ANO2: variants seen among roughly 807,000 people sequenced by gnomAD.
ANO2 encodes anoctamin 2.
Under a neutral mutation model 124.2 loss-of-function variants are expected in ANO2, and 101 were observed. The observed-to-expected ratio is 0.81, with a 90% CI of 0.69 to 0.96. The LOEUF (loss-of-function observed/expected upper bound fraction) is 0.96, where lower values mean the gene tolerates loss of function less well. ANO2 is among the 40% of genes least tolerant of loss of function. The pLI is 0.00. For missense variants in ANO2, 1,293 were observed against 1,274.5 expected, an observed-to-expected ratio of 1.01 and a Z score of -0.22; for synonymous variants, 486 against 482.5, an observed-to-expected ratio of 1.01 and a Z score of -0.09.
intron 3 of ANO2, among the ~76,000 whole-genome samples, chr12:5,901,182 G>T (rs1458349927): frequency 6.6e-6 from 1 of 152,236 alleles, no homozygotes; most frequent in African/African-American, 2.4e-5. Flanking sequence ...CTGGAAAAAT[G>T]CGGCCTTTGC....
intron 12 of ANO2, among the ~76,000 whole-genome samples, chr12:5,741,656 A>G (rs1301004934): frequency 6.6e-6 from 1 of 152,166 alleles, no homozygotes; most frequent in Non-Finnish European, 1.5e-5. Flanking sequence ...GGACCACCAT[A>G]CTGATGGAGA....
At chr12:5,608,644 T>G (rs1300227533) in intron 19 of ANO2, 1 of 152,168 alleles carries the variant, frequency 6.6e-6, no homozygotes, top group Non-Finnish European at 1.5e-5. Flanking sequence ...GCTTTATGAG[T>G]TACTGTGCAA....
At chr12:5,926,438 G>A (rs1246814525) in intron 1 of ANO2, among the ~76,000 whole-genome samples, 1 of 152,110 alleles carries the variant, frequency 6.6e-6, no homozygotes, top group African/African-American at 2.4e-5. Context: ...CTCTCGGGCT[G>A]GGACTCTGCA....
chr12:5,662,889 C>G lies in ANO2; in HGVS notation c.1546-15088G>C, dbSNP rs181618707. On this transcript the variant is annotated intron_variant, in intron 14 of 24. Coordinates refer to ENST00000682330, the MANE Select transcript of ANO2 (RefSeq NM_001364791.2). ...TTGGGTAGGACATGGGGAAGCACTT[C>G]CTAGACCTTCTCCAAACCTGGGAAC... Among the ~76,000 whole-genome samples the G allele has an allele frequency of 3.3e-5, 5 of 152,314 alleles. No homozygotes were observed. In the East Asian group the frequency reaches 7.7e-4, roughly 23 times the overall value.
At chr12:5,774,658 G>A (rs1325782154) in intron 10 of ANO2, among the ~76,000 whole-genome samples, 1 of 152,154 alleles carries the variant, frequency 6.6e-6, no homozygotes, top group Non-Finnish European at 1.5e-5. Flanking sequence ...GACACCTGAT[G>A]CCTTGTTGGA....
At chr12:5,706,665 C>G (rs1032284729) in intron 14 of ANO2, among the ~76,000 whole-genome samples, 1 of 152,186 alleles carries the variant, frequency 6.6e-6, no homozygotes, top group Non-Finnish European at 1.5e-5. Flanking sequence ...TTCTTTATCT[C>G]TGTCACTGTC....
chr12:5,866,713 C>G (rs1362436673), intron 3 of ANO2, among the ~76,000 whole-genome samples: 2 of 152,206 alleles, frequency 1.3e-5, no homozygotes, highest in Non-Finnish European at 2.9e-5. Flanking sequence ...GCCTGGGGAT[C>G]CAGGGGGCTG....
intron 7 of ANO2, 51 bp from the exon 8 acceptor site, chr12:5,807,419 A>C: frequency 1.8e-5 from 27 of 1,482,550 alleles, no homozygotes; most frequent in Non-Finnish European, 2.2e-5. Flanking sequence ...AGCGTTTCTC[A>C]ACTTAACCCC....
chr12:5,861,834 C>T (rs1194701263), intron 3 of ANO2, among the ~76,000 whole-genome samples: 1 of 152,136 alleles, frequency 6.6e-6, no homozygotes, highest in Non-Finnish European at 1.5e-5. Context: ...TTGAAGCTCA[C>T]ACAGCTGGAG....
At chr12:5,802,696 A>G (rs1447046248) in intron 9 of ANO2, among the ~76,000 whole-genome samples, 1 of 152,212 alleles carries the variant, frequency 6.6e-6, no homozygotes, top group Non-Finnish European at 1.5e-5. Context: ...AAACTTGCAG[A>G]GTCTAGAGCC....
intron 16 of ANO2, among the ~76,000 whole-genome samples, chr12:5,629,818 T>C (rs1214283994): frequency 1.3e-5 from 2 of 152,146 alleles, no homozygotes; most frequent in Admixed American, 6.5e-5. Context: ...CAGCTCCAAA[T>C]GCATTCCCTA....
At chr12:5,696,002 G>C (rs1032930043) in intron 14 of ANO2, among the ~76,000 whole-genome samples, 1 of 151,858 alleles carries the variant, frequency 6.6e-6, no homozygotes, top group Non-Finnish European at 1.5e-5. Flanking sequence ...AGTTACAGGG[G>C]GAAAAAATAG....
At chr12:5,581,829 C>T (rs773705248) in intron 20 of ANO2, among the ~76,000 whole-genome samples, 5 of 152,188 alleles carry the variant, frequency 3.3e-5, no homozygotes, top group Non-Finnish European at 7.3e-5. Context: ...GAGCCAAGAA[C>T]AGGCCCTCTC....
intron 24 of ANO2, among the ~76,000 whole-genome samples, chr12:5,563,986 C>A (rs1941603273): frequency 6.6e-6 from 1 of 152,194 alleles, no homozygotes; most frequent in African/African-American, 2.4e-5. Context: ...AGCAAGTGGT[C>A]ACAAAGCCCA....
intron 14 of ANO2, among the ~76,000 whole-genome samples, chr12:5,710,822 A>G (rs1186966409): frequency 6.6e-6 from 1 of 152,122 alleles, no homozygotes; most frequent in Admixed American, 6.5e-5. Flanking sequence ...AAATAAACTG[A>G]GGCTGATAGA....
chr12:5,814,650 G>T (rs1233506489), intron 7 of ANO2, among the ~76,000 whole-genome samples: 1 of 152,198 alleles, frequency 6.6e-6, no homozygotes, highest in African/African-American at 2.4e-5. Flanking sequence ...GCAGGAATTT[G>T]TGTCTGTTGG....
At chr12:5,656,045 A>C (rs1439067709) in intron 14 of ANO2, among the ~76,000 whole-genome samples, 1 of 152,220 alleles carries the variant, frequency 6.6e-6, no homozygotes, top group Non-Finnish European at 1.5e-5. Context: ...ATTTCAAGGG[A>C]ATAGTGGGAG....
intron 3 of ANO2, among the ~76,000 whole-genome samples, chr12:5,875,005 C>T (rs1937995320): frequency 6.6e-6 from 1 of 152,184 alleles, no homozygotes; most frequent in Non-Finnish European, 1.5e-5. Flanking sequence ...ATTTGGCTTG[C>T]AGGCCACAGT....
intron 3 of ANO2, among the ~76,000 whole-genome samples, chr12:5,893,533 C>T (rs1939554174): frequency 6.8e-6 from 1 of 148,044 alleles, no homozygotes; most frequent in East Asian, 2.0e-4. Context: ...GATACATGTG[C>T]AGAACGTGGA....
Sources: gnomAD v4.1 joint callset for allele counts (sites outside exome capture counted in the v4.1 genomes callset) on GRCh38, gnomAD v4.1.1 for gene constraint, MANE v1.5 for transcripts, NCBI Gene and HGNC (gene_info 2026-07-23, HGNC 2026-07-21) for gene names.